The following SCAMP4 variants were observed in gnomAD, a reference collection of about 807,000 sequenced individuals.
SCAMP4 encodes secretory carrier membrane protein 4, also known as secretory carrier-associated membrane protein 4.
Under a neutral mutation model 32.1 loss-of-function variants are expected in SCAMP4, and 19 were observed. The observed-to-expected ratio is 0.59, with a 90% confidence interval of 0.41 to 0.87. The LOEUF (loss-of-function observed/expected upper bound fraction) is 0.87, where lower values mean the gene tolerates loss of function less well. Among genes scored for constraint, SCAMP4 ranks in the 40% least tolerant of loss-of-function variants. The pLI, the probability that SCAMP4 is intolerant of heterozygous loss-of-function variation, is 0.00. For synonymous variants in SCAMP4, 152 were observed against 132.7 expected (o/e 1.15, Z -1.00); for missense variants, 302 against 309.0 (o/e 0.98, Z 0.17).
intron 1 of SCAMP4, among the ~76,000 whole-genome samples, chr19:1,911,626 C>T (rs918796586): frequency 6.6e-6 from 1 of 152,048 alleles, no homozygotes. Flanking sequence ...ACTAAAAATA[C>T]ACAAAAATTA....
At chr19:1,911,932 C>A (rs530014675) in intron 1 of SCAMP4, 32 of 1,328,172 alleles carry the variant, frequency 2.4e-5, no homozygotes, top group African/African-American at 2.2e-4. Flanking sequence ...ATGCGGTGAC[C>A]TGGGCCGGAG....
In SCAMP4 at chr19:1,918,975, C is replaced by A. The variant is rs769408403; in HGVS notation, c.380C>A (p.Ser127Tyr). The change falls in exon 5 of 7, where the codon TCC (serine) becomes TAC (tyrosine). Residue 127 changes from serine to tyrosine, a missense_variant. Transcript: ENST00000316097. ...ACCGTCATCCAGGCGATTGGCTTCT[C>A]CGGCTGGGGCGCGTGGTAAGCCTCT... is the stretch of plus-strand genomic sequence containing the variant. ...VLTVIQAIGFSGWGACGWLSA... is the reference protein window; with the variant it reads ...VLTVIQAIGFYGWGACGWLSA... 2 of 1,609,164 alleles carry A rather than the reference C, an allele frequency of 1.2e-6. No individual in the cohort carries two copies.
chr19:1,905,633 TGC>T (rs201231677), intron 1 of SCAMP4, 194 bp downstream of exon 1: 652 of 159,020 alleles, frequency 4.1e-3, no homozygotes, highest in Non-Finnish European at 4.9e-3. Context: ...CGAATGCGCG[TGC>T]GCGCGCGCGC....
In SCAMP4 at chr19:1,908,389, C is replaced by T. The variant is rs1244606173; in HGVS notation, c.-42+2950C>T. The T allele has an allele frequency of 5.1e-5, 21 of 410,418 alleles. No individual in the cohort carries two copies. The highest frequency in any genetic ancestry group is 1.3e-4 in the South Asian group (7 of 55,276). 25.4% of individuals were successfully genotyped at this position (410,418 alleles called of 1,614,324 possible). A position where few individuals can be genotyped will look rare whatever the true frequency, so the allele number is the denominator to read the frequency against. ...GGCTGCTGGTCCCCCATCTGTGGGG[C>T]GCCCCGGCGGCTGAGGCGTGGACCA... On this transcript the variant is annotated intron_variant, in intron 1 of 6. Coordinates refer to ENST00000316097, the MANE Select transcript of SCAMP4 (RefSeq NM_079834.4). The surrounding 1 kb of genome is among the most constrained non-coding windows in gnomAD (Gnocchi z 4.2).
chr19:1,923,002 A>C, intron 5 of SCAMP4, 68 bp from the exon 6 acceptor site: 1 of 1,454,404 alleles, frequency 6.9e-7, no homozygotes, highest in Non-Finnish European at 9.1e-7. Context: ...GGGGAGGACC[A>C]TGGGCCGGAC....
At chr19:1,912,631 G>A (rs1234624726) in intron 1 of SCAMP4, 14 of 1,438,046 alleles carry the variant, frequency 9.7e-6, no homozygotes, top group Non-Finnish European at 1.3e-5. Flanking sequence ...CACATGGAGC[G>A]GGCGGTGTGG....
intron 1 of SCAMP4, chr19:1,906,534 G>C (rs1397905779): frequency 6.6e-6 from 1 of 152,130 alleles, no homozygotes; most frequent in East Asian, 1.9e-4. Context: ...GCGAGACCCT[G>C]TCTCTAAATA....
Position 1,908,405 on chromosome 19 carries a change from G to T in SCAMP4, c.-42+2966G>T. ...TCTGTGGGGCGCCCCGGCGGCTGAG[G>T]CGTGGACCAGGCAGTGCATGTCGAG... On this transcript the variant is annotated intron_variant, in intron 1 of 6. Coordinates refer to ENST00000316097, the MANE Select transcript of SCAMP4 (RefSeq NM_079834.4). The surrounding 1 kb of genome is among the most constrained non-coding windows in gnomAD (Gnocchi z 4.2). 1 of 441,692 alleles carries T rather than the reference G, an allele frequency of 2.3e-6. No homozygotes were observed. The highest frequency in any genetic ancestry group is 2.5e-5 in the Admixed American group (1 of 40,310). The allele number at this position is 441,692 out of a possible 1,614,324, so 27.4% of individuals were successfully genotyped here.
At chr19:1,917,646 T>C (rs753747594) in intron 2 of SCAMP4, 48 bp from the exon 3 acceptor site, 2 of 1,611,842 alleles carry the variant, frequency 1.2e-6, no homozygotes, top group Non-Finnish European at 1.7e-6. Flanking sequence ...TGGGGCCTCC[T>C]TCAAGAGACA....
chr19:1,905,621 C>G (rs1015577384), intron 1 of SCAMP4, 182 bp downstream of exon 1: 1 of 162,534 alleles, frequency 6.2e-6, no homozygotes, highest in Non-Finnish European at 1.4e-5. Context: ...GGGGAGGCGG[C>G]GCGAATGCGC....
At chr19:1,922,997 G>A (rs918376643) in intron 5 of SCAMP4, 73 bp from the exon 6 acceptor site, 1 of 1,439,068 alleles carries the variant, frequency 6.9e-7, no homozygotes, top group Non-Finnish European at 9.2e-7. Flanking sequence ...TACATGGGGA[G>A]GACCATGGGC....
At chr19:1,912,184 C>G in intron 1 of SCAMP4, 8 of 1,581,518 alleles carry the variant, frequency 5.1e-6, no homozygotes, top group Non-Finnish European at 6.8e-6. Context: ...CAGGCCCTCC[C>G]TGTCCTGTCC....
chr19:1,915,251 C>T (rs1157354990), intron 2 of SCAMP4, among the ~76,000 whole-genome samples: 2 of 152,200 alleles, frequency 1.3e-5, no homozygotes, highest in African/African-American at 2.4e-5. Context: ...CTCACTGACC[C>T]GAAGCACAGC....
intron 5 of SCAMP4, chr19:1,922,138 T>C (rs1786987308): frequency 5.1e-6 from 5 of 985,466 alleles, no homozygotes; most frequent in Non-Finnish European, 6.0e-6. Flanking sequence ...TCAAAATGAC[T>C]GTTTTCTGCC....
chr19:1,910,303 G>T (rs943605440), intron 1 of SCAMP4, among the ~76,000 whole-genome samples: 13 of 152,216 alleles, frequency 8.5e-5, no homozygotes, highest in African/African-American at 2.9e-4. Context: ...GGGGGACCAA[G>T]GGTCCTGCTC....
chr19:1,921,259 C>T (rs1424721367), intron 5 of SCAMP4: 2 of 985,288 alleles, frequency 2.0e-6, no homozygotes, highest in Non-Finnish European at 2.4e-6. Flanking sequence ...GCCCCGCTCT[C>T]CCTGCCCCGG....
chr19:1,911,578 C>T (rs1024628551), intron 1 of SCAMP4, among the ~76,000 whole-genome samples: 2 of 152,276 alleles, frequency 1.3e-5, no homozygotes, highest in Non-Finnish European at 2.9e-5. Context: ...GTTAGGAGTT[C>T]GAGACCAGCC....
Position 1,918,187 on chromosome 19 carries a change from G to A in SCAMP4, c.197G>A (p.Gly66Asp). 7 of 1,612,652 alleles carry A rather than the reference G, an allele frequency of 4.3e-6. No individual in the cohort carries two copies. Among genetic ancestry groups the A allele is most frequent in the Non-Finnish European group, 5.1e-6 (6 of 1,179,840 alleles). ...IACLAWWIGG[G>D]SGTNFGLAFV... ...TGCCTGGCCTGGTGGATCGGCGGAG[G>A]CTCGGGGACCAACTTCGGCCTGGCC... Residue 66 changes from glycine (G) to aspartate (D), a missense_variant, in exon 4 of 7, where the codon GGC becomes GAC. Gly to Asp is a moderately conservative substitution (Grantham distance 94, BLOSUM62 -1). Transcript: ENST00000316097.
In SCAMP4 at chr19:1,910,609, G is replaced by A. The variant is rs182704977; in HGVS notation, c.-41-4370G>A. ...TTTTTTTTTTTTGAGACAGAGTCTC[G>A]CTCTGTCACCAGGCTGGAGTGCAGT... On this transcript the variant is annotated intron_variant, in intron 1 of 6. Coordinates refer to ENST00000316097, the MANE Select transcript of SCAMP4 (RefSeq NM_079834.4). Among the ~76,000 whole-genome samples, 458 of 134,858 alleles carry A rather than the reference G, an allele frequency of 3.4e-3. 3 individuals carry two copies. Among genetic ancestry groups the A allele is most frequent in the African/African-American group, 0.012 (431 of 35,502 alleles). 88.5% of individuals were successfully genotyped at this position (134,858 alleles called of 152,430 possible).
Sources: allele counts gnomAD v4.1 joint callset (sites outside exome capture counted in the v4.1 genomes callset), GRCh38; gene constraint gnomAD v4.1.1; non-coding constraint Gnocchi (gnomAD v3.1); transcripts MANE v1.5; gene names NCBI Gene and HGNC (gene_info 2026-07-23, HGNC 2026-07-21).